PARVA: variants seen among roughly 807,000 people sequenced by gnomAD.
PARVA encodes parvin alpha.
In PARVA, 25 loss-of-function variants were observed where a neutral mutation model predicts 52.6. The ratio of observed to expected loss-of-function variants is 0.48; its 90% CI spans 0.35 to 0.66. The LOEUF (loss-of-function observed/expected upper bound fraction) is 0.66. PARVA is among the 30% of genes least tolerant of loss of function. The pLI, the probability that PARVA is intolerant of heterozygous loss-of-function variation, is 0.01. For missense variants in PARVA, 373 were observed against 450.9 expected (o/e 0.83, Z 1.56); for synonymous variants, 185 against 179.1 (o/e 1.03, Z -0.26).
At chr11:12,501,842 C>T (rs1941366936) in intron 5 of PARVA, among the ~76,000 whole-genome samples, 1 of 152,188 alleles carries the variant, frequency 6.6e-6, no homozygotes, top group Admixed American at 6.5e-5. Context: ...CTCTGCATTG[C>T]TCACTAAGAC....
At chr11:12,381,930 T>A (rs1462187906) in intron 1 of PARVA, among the ~76,000 whole-genome samples, 2 of 152,148 alleles carry the variant, frequency 1.3e-5, no homozygotes, top group African/African-American at 4.8e-5. Flanking sequence ...GGCACTTTGT[T>A]AGAGTCCCAT....
chr11:12,418,305 A>G (rs1940098748), intron 1 of PARVA, among the ~76,000 whole-genome samples: 1 of 152,100 alleles, frequency 6.6e-6, no homozygotes, highest in Non-Finnish European at 1.5e-5. Flanking sequence ...GGGCTGGGTG[A>G]TGGTGCCCAG....
chr11:12,390,226 G>A (rs1298030304), intron 1 of PARVA, among the ~76,000 whole-genome samples: 2 of 152,182 alleles, frequency 1.3e-5, no homozygotes, highest in Non-Finnish European at 2.9e-5. Context: ...AATTCAAAAC[G>A]ATTATTCTGA....
chr11:12,410,384 G>A (rs35069152), intron 1 of PARVA, among the ~76,000 whole-genome samples: 6,891 of 152,298 alleles, frequency 0.045, 326 homozygotes, highest in East Asian at 0.27. Flanking sequence ...CAGGGACTCC[G>A]GGCCAGCTGC....
chr11:12,419,852 A>G (rs1395788168), intron 1 of PARVA, among the ~76,000 whole-genome samples: 1 of 152,194 alleles, frequency 6.6e-6, no homozygotes, highest in Non-Finnish European at 1.5e-5. Flanking sequence ...GTTAATGTCA[A>G]ACTGAATTCT....
intron 1 of PARVA, among the ~76,000 whole-genome samples, chr11:12,466,200 A>G (rs1196608442): frequency 6.6e-6 from 1 of 152,188 alleles, no homozygotes; most frequent in Non-Finnish European, 1.5e-5. Context: ...AGACTTGCAT[A>G]CAAGTCTTAT....
rs1291224399 is a variant in PARVA at position 12,532,951 on chromosome 11, A to G, written c.*5026A>G. 6.6e-6 allele frequency among the ~76,000 whole-genome samples: 1 copy of G among 152,190 alleles called. No homozygotes were observed. On this transcript the variant is annotated 3_prime_UTR_variant, in exon 13 of 13. Coordinates refer to ENST00000334956, the MANE Select transcript of PARVA (RefSeq NM_018222.5). ...CACTGTGTAGGAAAACTCTGGGGAA[A>G]GCTACGTCAGCAATATGGAGTCTGG...
rs774914977 is a variant in PARVA at position 12,510,295 on chromosome 11, G to A, written c.717-1219G>A. On this transcript the variant is annotated intron_variant, in intron 7 of 12. Transcript: ENST00000334956. The stretch of plus-strand genomic sequence containing the variant: ...TCACTTAGTGGGTGACAGGTGTGCT[G>A]ATGGATAAACCAATATAATAATCAT... 5.3e-5 allele frequency among the ~76,000 whole-genome samples: 8 copies of A among 152,292 alleles called. No homozygotes were observed. The South Asian group carries it at 6.2e-4, about 12-fold the overall frequency.
chr11:12,382,283 CTG>C (rs892779023), intron 1 of PARVA, among the ~76,000 whole-genome samples: 5 of 149,318 alleles, frequency 3.3e-5, no homozygotes, highest in Admixed American at 6.6e-5. Flanking sequence ...TAAGTTCTAA[CTG>C]TTTGTAATAG....
intron 1 of PARVA, among the ~76,000 whole-genome samples, chr11:12,393,421 C>G (rs1262918393): frequency 6.6e-6 from 1 of 152,150 alleles, no homozygotes; most frequent in Non-Finnish European, 1.5e-5. Flanking sequence ...ACAGATAAGC[C>G]CCAAGTTCTT....
At chr11:12,476,477 A>C (rs996119551) in intron 3 of PARVA, among the ~76,000 whole-genome samples, 2 of 151,938 alleles carry the variant, frequency 1.3e-5, no homozygotes, top group Non-Finnish European at 2.9e-5. Flanking sequence ...TGGGCAACAT[A>C]GCAAGACCCT....
At chr11:12,511,895 TTTA>T (rs752540094) in intron 8 of PARVA, among the ~76,000 whole-genome samples, 22 of 152,228 alleles carry the variant, frequency 1.4e-4, no homozygotes, top group Non-Finnish European at 2.8e-4. Context: ...TAACTCCGAG[TTTA>T]TTATTCTTGC....
intron 1 of PARVA, among the ~76,000 whole-genome samples, chr11:12,440,253 G>C (rs1022934812): frequency 6.6e-6 from 1 of 152,152 alleles, no homozygotes; most frequent in Non-Finnish European, 1.5e-5. Context: ...ATTGGTGCTG[G>C]CCCCGTGAGT....
intron 1 of PARVA, among the ~76,000 whole-genome samples, chr11:12,433,380 CTTAAAA>C (rs1413970097): frequency 2.8e-4 from 42 of 152,304 alleles, no homozygotes; most frequent in Non-Finnish European, 3.1e-4. Context: ...TCAGCTGCTT[CTTAAAA>C]TTAAAATTAT....
intron 1 of PARVA, among the ~76,000 whole-genome samples, 152 bp downstream of exon 1, chr11:12,377,935 T>A (rs148054763): frequency 0.038 from 5,608 of 148,132 alleles, 140 homozygotes; most frequent in African/African-American, 0.081. Context: ...CCCGGGTACG[T>A]CGGGCAGGAG....
intron 4 of PARVA, among the ~76,000 whole-genome samples, chr11:12,492,853 G>A (rs1023294096): frequency 4.8e-5 from 7 of 145,454 alleles, no homozygotes; most frequent in African/African-American, 7.5e-5. Flanking sequence ...ACACACACAA[G>A]ATGTTTATTG....
Position 12,513,413 on chromosome 11 carries a change from T to C in PARVA, c.798+53T>C, listed in dbSNP as rs777742961. 73 of 1,511,958 alleles carry C rather than the reference T, an allele frequency of 4.8e-5. No individual in the cohort carries two copies. In the East Asian group the frequency reaches 9.5e-4, roughly 20 times the overall value. The allele number at this position is 1,511,958 out of a possible 1,614,324, so 93.7% of individuals were successfully genotyped here. A position where few individuals can be genotyped will look rare whatever the true frequency, so the allele number is the denominator to read the frequency against. ...GAGGGAAGCGAGATGCAACAGAACA[T>C]TGGGAAAACCCATCCCTGCAGCTTG... is the stretch of plus-strand genomic sequence containing the variant. On this transcript the variant is annotated intron_variant, in intron 9 of 12. Coordinates refer to ENST00000334956, the MANE Select transcript of PARVA (RefSeq NM_018222.5).
intron 4 of PARVA, among the ~76,000 whole-genome samples, chr11:12,483,492 C>T (rs1042701188): frequency 5.3e-5 from 8 of 152,202 alleles, no homozygotes; most frequent in African/African-American, 1.9e-4. Flanking sequence ...TCAGAATCAC[C>T]CTTCCCAGTG....
intron 1 of PARVA, among the ~76,000 whole-genome samples, chr11:12,458,972 T>C (rs1940737179): frequency 6.6e-6 from 1 of 152,190 alleles, no homozygotes; most frequent in Non-Finnish European, 1.5e-5. Context: ...TTGTTCTTCT[T>C]TCCTTTCCTG....
Sources: allele counts gnomAD v4.1 joint callset (sites outside exome capture counted in the v4.1 genomes callset), GRCh38; gene constraint gnomAD v4.1.1; transcripts MANE v1.5; gene names NCBI Gene and HGNC (gene_info 2026-07-23, HGNC 2026-07-21).